ZNF624: variants seen among roughly 807,000 people sequenced by gnomAD.
ZNF624 encodes zinc finger protein 624.
Under a neutral mutation model 74.7 loss-of-function variants are expected in ZNF624, and 43 were observed. The observed-to-expected ratio is 0.58, with a 90% CI of 0.45 to 0.74. The LOEUF (loss-of-function observed/expected upper bound fraction) is 0.74. Ranked by LOEUF, ZNF624 falls within the 30% of genes least tolerant of loss-of-function variation. The pLI, the probability that ZNF624 is intolerant of heterozygous loss-of-function variation, is 0.00. For missense variants in ZNF624, 820 were observed against 1,030.0 expected (o/e 0.80, Z 2.79); for synonymous variants, 331 against 341.3 (o/e 0.97, Z 0.33).
At chr17:16,637,086 CAG>C (rs1482222078) in intron 3 of ZNF624, among the ~76,000 whole-genome samples, 4 of 152,140 alleles carry the variant, frequency 2.6e-5, no homozygotes, top group Non-Finnish European at 5.9e-5. Context: ...AACAGACAAA[CAG>C]AGAACCAAAT....
intron 5 of ZNF624, among the ~76,000 whole-genome samples, chr17:16,625,294 G>C (rs556541790): frequency 2.4e-4 from 37 of 152,186 alleles, no homozygotes; most frequent in African/African-American, 8.9e-4. Context: ...CAATTCTCTT[G>C]TCTCAGCCTT....
Position 16,622,349 on chromosome 17 carries a change from C to T in ZNF624, c.2537G>A (p.Arg846Lys). Residue 846 changes from arginine (R) to lysine (K), a missense_variant, in exon 6 of 6, where the codon AGG becomes AAG. Arg to Lys is a conservative substitution (Grantham distance 26). Transcript: ENST00000311331. ...YKCNECGKAF[R>K]SSSSLTVHQR... The stretch of plus-strand genomic sequence containing the variant: ...ATGTACAGTAAGGCTCGAACTACTC[C>T]TGAAGGCTTTTCCACATTCATTACA... The T allele has an allele frequency of 1.9e-6, 3 of 1,612,532 alleles. No individual in the cohort carries two copies. Among genetic ancestry groups the T allele is most frequent in the Non-Finnish European group, 2.5e-6 (3 of 1,179,336 alleles).
chr17:16,644,149 T>C (rs1317844964), intron 3 of ZNF624, among the ~76,000 whole-genome samples: 1 of 152,202 alleles, frequency 6.6e-6, no homozygotes, highest in Non-Finnish European at 1.5e-5. Context: ...CCTCACAAGA[T>C]GCAGATACTG....
intron 5 of ZNF624, among the ~76,000 whole-genome samples, chr17:16,631,084 C>T (rs1909196522): frequency 6.6e-6 from 1 of 151,976 alleles, no homozygotes; most frequent in South Asian, 2.1e-4. Context: ...TCCTGTCTGA[C>T]CATAGTAGAA....
intron 4 of ZNF624, 108 bp downstream of exon 4, chr17:16,634,522 G>A: frequency 8.3e-7 from 1 of 1,208,066 alleles, no homozygotes; most frequent in African/African-American, 1.5e-5. Flanking sequence ...ACCCAACAAT[G>A]TGCCCCTAAA....
chr17:16,638,654 T>C (rs997710672), intron 3 of ZNF624, among the ~76,000 whole-genome samples: 5 of 152,006 alleles, frequency 3.3e-5, no homozygotes, highest in African/African-American at 7.3e-5. Context: ...TAGGTGGGAA[T>C]TGAACAATGA....
At chr17:16,628,459 T>TA (rs1345465631) in intron 5 of ZNF624, among the ~76,000 whole-genome samples, 1 of 152,130 alleles carries the variant, frequency 6.6e-6, no homozygotes, top group Non-Finnish European at 1.5e-5. Flanking sequence ...TTGTAAAGTA[T>TA]AAAATAACCA....
At chr17:16,637,246 G>A (rs1004937512) in intron 3 of ZNF624, among the ~76,000 whole-genome samples, 1 of 152,206 alleles carries the variant, frequency 6.6e-6, no homozygotes, top group Non-Finnish European at 1.5e-5. Context: ...AACATTCCAT[G>A]CTCATGGGTA....
chr17:16,620,318 A>G (rs752160464), downstream of ZNF624, among the ~76,000 whole-genome samples: 5 of 152,076 alleles, frequency 3.3e-5, no homozygotes, highest in Non-Finnish European at 7.4e-5. Context: ...TCATTTATAG[A>G]CTTGGGAGTT....
downstream of ZNF624, among the ~76,000 whole-genome samples, chr17:16,618,871 T>C (rs967394004): frequency 6.6e-6 from 1 of 152,254 alleles, no homozygotes; most frequent in Non-Finnish European, 1.5e-5. Context: ...GACTATATTA[T>C]TGGTAAGGCT....
intron 5 of ZNF624, among the ~76,000 whole-genome samples, chr17:16,627,231 GT>G (rs1909094823): frequency 6.6e-6 from 1 of 152,104 alleles, no homozygotes; most frequent in Non-Finnish European, 1.5e-5. Flanking sequence ...CATAAAGGTT[GT>G]TGTTATATTA....
At chr17:16,617,687 C>A, downstream of ZNF624, 1 of 1,605,388 alleles carries the variant, frequency 6.2e-7, no homozygotes, top group Non-Finnish European at 8.5e-7. Flanking sequence ...GCTCTACGAT[C>A]ACGCGCTCGC....
rs915841447 is a variant in ZNF624 at position 16,633,917 on chromosome 17, C to T, written c.321G>A (p.Glu107=). 2 of 1,613,664 alleles carry T rather than the reference C, an allele frequency of 1.2e-6. No individual in the cohort carries two copies. The highest frequency in any genetic ancestry group is 8.5e-7 in the Non-Finnish European group (1 of 1,179,706). The change falls in exon 5 of 6, where the codon GAG becomes GAA. Residue 107 remains glutamate (E), a synonymous_variant. Transcript: ENST00000311331. ...VSKPDMISHL[E]NGKGPWVTVR... is the part of the protein sequence containing the mutation. ...CCGTCACCCATGGTCCTTTCCCATT[C>T]TCCAAATGAGATATCATGTCTGGTT...
chr17:16,636,771 G>A (rs1909341716), intron 3 of ZNF624, among the ~76,000 whole-genome samples: 1 of 151,830 alleles, frequency 6.6e-6, no homozygotes, highest in Non-Finnish European at 1.5e-5. Flanking sequence ...GGGAGGCGGA[G>A]CTTGCAGTGA....
intron 3 of ZNF624, among the ~76,000 whole-genome samples, chr17:16,643,637 G>A (rs1301160578): frequency 1.3e-5 from 2 of 152,122 alleles, no homozygotes; most frequent in Non-Finnish European, 2.9e-5. Context: ...AAAAACCACT[G>A]AAATGTATAC....
intron 3 of ZNF624, among the ~76,000 whole-genome samples, chr17:16,635,382 G>A (rs558995249): frequency 2.6e-5 from 4 of 152,078 alleles, no homozygotes; most frequent in Non-Finnish European, 4.4e-5. Context: ...AGAAAAGAGG[G>A]AGTAGAGCGG....
At chr17:16,627,352 T>TA (rs1302114177) in intron 5 of ZNF624, among the ~76,000 whole-genome samples, 3 of 152,178 alleles carry the variant, frequency 2.0e-5, no homozygotes. Context: ...ACAACAAGCA[T>TA]AAAAAACAGA....
intron 3 of ZNF624, among the ~76,000 whole-genome samples, chr17:16,636,888 T>C (rs1909345607): frequency 6.6e-6 from 1 of 151,714 alleles, no homozygotes; most frequent in African/African-American, 2.4e-5. Context: ...ATAGGAGTGG[T>C]GAGAGAGGGC....
intron 3 of ZNF624, among the ~76,000 whole-genome samples, chr17:16,644,647 G>A (rs1407909441): frequency 6.6e-6 from 1 of 152,178 alleles, no homozygotes; most frequent in African/African-American, 2.4e-5. Context: ...TTTTGATAGA[G>A]TTCGAGAAAG....
Sources: gnomAD v4.1 joint callset for allele counts (sites outside exome capture counted in the v4.1 genomes callset) on GRCh38, gnomAD v4.1.1 for gene constraint, MANE v1.5 for transcripts, NCBI Gene and HGNC (gene_info 2026-07-23, HGNC 2026-07-21) for gene names.